The following RARB variants were observed in gnomAD, a reference collection of about 807,000 sequenced individuals.
RARB encodes retinoic acid receptor beta, also known as HBV-activated protein.
Under a neutral mutation model 51.9 loss-of-function variants are expected in RARB, and 17 were observed. The ratio of observed to expected loss-of-function variants is 0.33; its 90% CI spans 0.22 to 0.49. The LOEUF is 0.49. RARB is among the 20% of genes least tolerant of loss of function. The pLI is 0.99. For missense variants in RARB, 369 were observed against 550.8 expected (o/e 0.67, Z 3.30); for synonymous variants, 215 against 195.4 (o/e 1.10, Z -0.84).
Position 25,346,006 on chromosome 3 carries a change from C to T in RARB, c.179-115187C>T, listed in dbSNP as rs186692893. 20 of 483,218 alleles carry T rather than the reference C, an allele frequency of 4.1e-5. No homozygotes were observed. The East Asian group carries it at 1.5e-3, about 37-fold the overall frequency. The allele number at this position is 483,218 out of a possible 1,614,324, so 29.9% of individuals were successfully genotyped here. ...GGCTCCGATGAGTAGTTCTTCTGAC[C>T]CGGGCTGCGGTTGACTGATCGCCGC... On this transcript the variant is annotated intron_variant, in intron 5 of 11. Transcript: ENST00000383772.
Position 25,130,190 on chromosome 3 carries a change from C to G in RARB, c.-327-1971C>G, listed in dbSNP as rs191959912. 3.3e-5 allele frequency among the ~76,000 whole-genome samples: 5 copies of G among 152,184 alleles called. No homozygotes were observed. The East Asian group carries it at 9.7e-4, about 29-fold the overall frequency. On this transcript the variant is annotated intron_variant, in intron 3 of 11. Coordinates refer to the RARB transcript ENST00000383772. Reference sequence around the variant, plus strand: ...ATTTACAGGTAGGGGAATAAAGCAACTATTCCTTCACTAGCACCAGTCTTT... The same window carrying G: ...ATTTACAGGTAGGGGAATAAAGCAAGTATTCCTTCACTAGCACCAGTCTTT...
chr3:25,205,541 C>A (rs1487514620), intron 5 of RARB, among the ~76,000 whole-genome samples: 1 of 152,076 alleles, frequency 6.6e-6, no homozygotes, highest in Non-Finnish European at 1.5e-5. Flanking sequence ...TAGACTGGAG[C>A]TGTTCGTATT....
chr3:25,454,801 C>A (rs1575419317), intron 1 of RARB, among the ~76,000 whole-genome samples: 1 of 152,172 alleles, frequency 6.6e-6, no homozygotes, highest in African/African-American at 2.4e-5. Flanking sequence ...CGAAGACTTT[C>A]TGTGTGTTTA....
chr3:24,868,075 G>C (rs769480383), intron 2 of RARB, among the ~76,000 whole-genome samples: 6 of 152,166 alleles, frequency 3.9e-5, no homozygotes, highest in African/African-American at 1.4e-4. Context: ...TATCCGAGTT[G>C]TAAGAACTAT....
At chr3:24,839,873 T>A (rs1246082118) in intron 1 of RARB, among the ~76,000 whole-genome samples, 1 of 152,134 alleles carries the variant, frequency 6.6e-6, no homozygotes, top group Non-Finnish European at 1.5e-5. Context: ...TCGAAGTGCA[T>A]GAAGAGGCTC....
intron 2 of RARB, among the ~76,000 whole-genome samples, chr3:24,943,105 T>A (rs1695702722): frequency 6.6e-6 from 1 of 152,182 alleles, no homozygotes; most frequent in South Asian, 2.1e-4. Context: ...ACCAAGACAG[T>A]TTCTTGACTT....
At chr3:25,230,726 T>A (rs1702157921) in intron 5 of RARB, among the ~76,000 whole-genome samples, 1 of 152,114 alleles carries the variant, frequency 6.6e-6, no homozygotes. Flanking sequence ...GGAAACTACA[T>A]GCTTCCAAAC....
intron 2 of RARB, among the ~76,000 whole-genome samples, chr3:25,480,499 T>C (rs1289762361): frequency 2.0e-5 from 3 of 152,186 alleles, no homozygotes; most frequent in African/African-American, 7.2e-5. Context: ...AAATGGTAGC[T>C]AAGGTAACTA....
intron 3 of RARB, among the ~76,000 whole-genome samples, chr3:25,090,702 G>C (rs1699181449): frequency 6.6e-6 from 1 of 152,058 alleles, no homozygotes; most frequent in South Asian, 2.1e-4. Context: ...AAATACTCAT[G>C]GTACTAAGGA....
chr3:25,386,531 G>T (rs1706799141), intron 5 of RARB, among the ~76,000 whole-genome samples: 1 of 152,310 alleles, frequency 6.6e-6, no homozygotes, highest in East Asian at 1.9e-4. Flanking sequence ...TACTCGAGAG[G>T]TTGTTAAAAG....
intron 5 of RARB, among the ~76,000 whole-genome samples, chr3:25,314,605 C>T (rs1284015337): frequency 6.6e-6 from 1 of 152,190 alleles, no homozygotes; most frequent in Non-Finnish European, 1.5e-5. Context: ...AACACCAAGA[C>T]ATCAACAAAA....
intron 5 of RARB, among the ~76,000 whole-genome samples, chr3:25,211,835 A>C (rs1207025337): frequency 2.0e-5 from 3 of 152,238 alleles, no homozygotes; most frequent in African/African-American, 7.2e-5. Context: ...TCCATGATCC[A>C]TAATTTGCAG....
At chr3:25,288,836 T>C (rs556299066) in intron 5 of RARB, among the ~76,000 whole-genome samples, 9 of 152,300 alleles carry the variant, frequency 5.9e-5, no homozygotes, top group African/African-American at 1.9e-4. Context: ...ATTTGAGACA[T>C]TGATCTTCAT....
intron 5 of RARB, among the ~76,000 whole-genome samples, chr3:25,416,861 G>A (rs1707719365): frequency 6.6e-6 from 1 of 152,112 alleles, no homozygotes; most frequent in Non-Finnish European, 1.5e-5. Context: ...TGGCACTGTG[G>A]GTCACAATAG....
chr3:25,199,232 G>A (rs147325831), intron 5 of RARB, among the ~76,000 whole-genome samples: 25 of 152,100 alleles, frequency 1.6e-4, no homozygotes, highest in African/African-American at 5.8e-4. Context: ...CTTATTTGAG[G>A]GAGCTAAAAA....
intron 3 of RARB, among the ~76,000 whole-genome samples, chr3:25,093,061 G>A (rs925314061): frequency 6.6e-6 from 1 of 152,122 alleles, no homozygotes; most frequent in South Asian, 2.1e-4. Context: ...CTATGGATTA[G>A]TCTCATCTCA....
intron 5 of RARB, among the ~76,000 whole-genome samples, chr3:25,287,035 T>G (rs1260462130): frequency 6.6e-6 from 1 of 152,224 alleles, no homozygotes; most frequent in East Asian, 1.9e-4. Context: ...TCCTGCCTGT[T>G]ATTACGAACA....
At chr3:25,403,728 AGTTCTG>A (rs750326688) in intron 5 of RARB, among the ~76,000 whole-genome samples, 20 of 151,860 alleles carry the variant, frequency 1.3e-4, no homozygotes, top group Non-Finnish European at 2.8e-4. Context: ...TTTTTGGATG[AGTTCTG>A]ATATTTTCCT....
intron 3 of RARB, among the ~76,000 whole-genome samples, chr3:25,565,562 C>T (rs888199861): frequency 1.4e-4 from 21 of 152,084 alleles, no homozygotes; most frequent in African/African-American, 5.1e-4. Flanking sequence ...AGTAGATACT[C>T]AATAAATATT....
Sources: allele counts gnomAD v4.1 joint callset (sites outside exome capture counted in the v4.1 genomes callset), GRCh38; gene constraint gnomAD v4.1.1; transcripts MANE v1.5; gene names NCBI Gene and HGNC (gene_info 2026-07-23, HGNC 2026-07-21).